Variants in TSPAN13 observed in about 807,000 individuals in gnomAD.
TSPAN13 encodes the protein tetraspanin 13.
Under a neutral mutation model 26.9 loss-of-function variants are expected in TSPAN13, and 18 were observed. The ratio of observed to expected loss-of-function variants is 0.67; its 90% CI spans 0.46 to 0.99. TSPAN13 has a LOEUF of 0.99. TSPAN13 is among the 50% of genes least tolerant of loss of function. TSPAN13 has a pLI of 0.00. For synonymous variants in TSPAN13, 116 were observed against 98.4 expected, an observed-to-expected ratio of 1.18 and a Z score of -1.06; for missense variants, 201 against 249.6, an observed-to-expected ratio of 0.81 and a Z score of 1.31.
intron 1 of TSPAN13, among the ~76,000 whole-genome samples, chr7:16,757,325 A>G (rs1050756331): frequency 6.6e-6 from 1 of 152,216 alleles, no homozygotes; most frequent in African/African-American, 2.4e-5. Flanking sequence ...GGAATATTTT[A>G]GGCTGAAAAG....
At chr7:16,772,183 C>A in intron 1 of TSPAN13, among the ~76,000 whole-genome samples, 2 of 152,116 alleles carry the variant, frequency 1.3e-5, no homozygotes, top group South Asian at 4.2e-4. Flanking sequence ...ATTTGCTTTG[C>A]GGCGAGGATG....
rs878935164 is a variant in TSPAN13, at chr7:16,753,913, G to C, written c.-55G>C. 25 of 1,569,652 alleles carry C rather than the reference G, an allele frequency of 1.6e-5. No individual in the cohort carries two copies. In the South Asian group the frequency reaches 2.8e-4, roughly 17 times the overall value. On this transcript the variant is annotated 5_prime_UTR_variant, in exon 1 of 6. Coordinates refer to ENST00000262067, the MANE Select transcript of TSPAN13 (RefSeq NM_014399.4). Reference sequence around the variant, plus strand: ...AGGCAAGGACAAAGCAGCTGTCAGGGAACCTCCGCCGGAGTCGAATTTACG... The same window carrying C: ...AGGCAAGGACAAAGCAGCTGTCAGGCAACCTCCGCCGGAGTCGAATTTACG...
intron 1 of TSPAN13, 76 bp from the exon 2 acceptor site, chr7:16,776,135 T>G: frequency 1.4e-6 from 2 of 1,462,238 alleles, no homozygotes; most frequent in Non-Finnish European, 1.9e-6. Context: ...ATTGTTGATA[T>G]TTAATTAACT....
At chr7:16,783,325 G>C in intron 5 of TSPAN13, 92 bp from the exon 6 acceptor site, 1 of 1,263,268 alleles carries the variant, frequency 7.9e-7, no homozygotes, top group Non-Finnish European at 1.1e-6. Flanking sequence ...AAGCGATTGA[G>C]AGGGTCCAAA....
At chr7:16,779,920 C>T (rs1472300749) in intron 5 of TSPAN13, among the ~76,000 whole-genome samples, 9 of 151,514 alleles carry the variant, frequency 5.9e-5, no homozygotes, top group Middle Eastern at 3.4e-3. Flanking sequence ...TACAGGCGCC[C>T]GCCACCACGC....
intron 1 of TSPAN13, among the ~76,000 whole-genome samples, chr7:16,767,401 A>G (rs1264312482): frequency 6.6e-6 from 1 of 152,228 alleles, no homozygotes; most frequent in East Asian, 1.9e-4. Context: ...ATAGAAATAG[A>G]TAAAAATCAT....
At chr7:16,761,366 C>T (rs1213555573) in intron 1 of TSPAN13, among the ~76,000 whole-genome samples, 2 of 152,186 alleles carry the variant, frequency 1.3e-5, no homozygotes, top group Non-Finnish European at 2.9e-5. Flanking sequence ...ATATTTCCAT[C>T]CAGCTGTTTG....
chr7:16,783,135 G>T (rs546467187), intron 5 of TSPAN13, among the ~76,000 whole-genome samples: 31 of 152,220 alleles, frequency 2.0e-4, no homozygotes, highest in Admixed American at 2.0e-3. Flanking sequence ...CACCCGCAAA[G>T]TCCCTGTTAC....
rs373848077 is a variant in TSPAN13 at position 16,776,299 on chromosome 7, C to T, written c.152C>T (p.Ala51Val). The T allele has an allele frequency of 6.9e-5, 112 of 1,613,980 alleles. No individual in the cohort carries two copies. The highest frequency in any genetic ancestry group is 9.3e-5 in the Non-Finnish European group (110 of 1,180,008). The change falls in exon 2 of 6, where the codon GCA becomes GTA. Residue 51 changes from alanine to valine, a missense_variant. Physicochemically the swap from Ala to Val is moderately conservative, Grantham distance 64 (BLOSUM62 0). Transcript: ENST00000262067. ...SSLRVVGVVI[A>V]VGIFLFLIAL... The stretch of plus-strand genomic sequence containing the variant: ...CTCCGAGTGGTCGGCGTGGTCATTG[C>T]AGTGGGCATCTTCTTGTTCCTGATT...
chr7:16,758,077 C>T (rs1242789019), intron 1 of TSPAN13, among the ~76,000 whole-genome samples: 2 of 152,090 alleles, frequency 1.3e-5, no homozygotes, highest in Non-Finnish European at 2.9e-5. Context: ...TCAGGCGATC[C>T]ACCCGCCTCG....
In TSPAN13 at chr7:16,753,852, C is replaced by T; in HGVS notation, c.-116C>T. 8.8e-7 allele frequency: 1 copy of T among 1,140,288 alleles called. No homozygotes were observed. Among genetic ancestry groups the T allele is most frequent in the Non-Finnish European group, 1.3e-6 (1 of 776,734 alleles). The allele number at this position is 1,140,288 out of a possible 1,614,324, so 70.6% of individuals were successfully genotyped here. A position where few individuals can be genotyped will look rare whatever the true frequency, so the allele number is the denominator to read the frequency against. On this transcript the variant is annotated 5_prime_UTR_variant, in exon 1 of 6. In the 5' UTR this introduces an upstream ATG that the reference lacks. Coordinates refer to ENST00000262067, the MANE Select transcript of TSPAN13 (RefSeq NM_014399.4). ...GCCCCAGGCCCCGGCCCCCCACCCA[C>T]GTCTGCGTTGCTGCCCCGCCTGGGC...
At chr7:16,776,939 G>C in intron 2 of TSPAN13, 103 bp from the exon 3 acceptor site, 1 of 662,562 alleles carries the variant, frequency 1.5e-6, no homozygotes, top group Non-Finnish European at 2.6e-6. Context: ...CTGTATTCTG[G>C]GTTAATTACT....
At chr7:16,770,705 T>C (rs1289718854) in intron 1 of TSPAN13, among the ~76,000 whole-genome samples, 3 of 152,214 alleles carry the variant, frequency 2.0e-5, no homozygotes, top group Admixed American at 2.0e-4. Context: ...TTGGGAATCC[T>C]GTAAGGGCTG....
At chr7:16,767,557 G>T (rs1239173034) in intron 1 of TSPAN13, among the ~76,000 whole-genome samples, 1 of 152,148 alleles carries the variant, frequency 6.6e-6, no homozygotes, top group Non-Finnish European at 1.5e-5. Flanking sequence ...TTCTCTTGGG[G>T]ATTAACCTAG....
intron 1 of TSPAN13, among the ~76,000 whole-genome samples, chr7:16,754,384 C>G (rs996046424): frequency 4.6e-5 from 7 of 152,198 alleles, no homozygotes; most frequent in Non-Finnish European, 7.3e-5. Context: ...CTCCTGACAT[C>G]CAGACGCATC....
chr7:16,755,821 T>C (rs1274067830), intron 1 of TSPAN13, among the ~76,000 whole-genome samples: 2 of 152,180 alleles, frequency 1.3e-5, no homozygotes, highest in Non-Finnish European at 2.9e-5. Context: ...ATTTAGAGTA[T>C]ATCAGGAAAG....
Position 16,753,816 on chromosome 7 carries a change from C to CT in TSPAN13, c.-152_-151insT. 1.4e-6 allele frequency: 1 copy of CT among 691,688 alleles called. No homozygotes were observed. The highest frequency in any genetic ancestry group is 1.9e-5 in the African/African-American group (1 of 51,782). 42.8% of individuals were successfully genotyped at this position (691,688 alleles called of 1,614,324 possible). ...GTCCGAGCCGCCGCCGCGCGCGCGC[C>CT]GCGCACTGCAGCCCCAGGCCCCGGC... On this transcript the variant is annotated 5_prime_UTR_variant, in exon 1 of 6. Coordinates refer to ENST00000262067, the MANE Select transcript of TSPAN13 (RefSeq NM_014399.4).
chr7:16,776,168 C>T, intron 1 of TSPAN13, 43 bp from the exon 2 acceptor site: 1 of 1,587,804 alleles, frequency 6.3e-7, no homozygotes, highest in South Asian at 1.1e-5. Flanking sequence ...ATTCTCTCTC[C>T]TCTCTCTCGT....
chr7:16,753,790 G>A lies in TSPAN13; in HGVS notation c.-178G>A. Reference sequence around the variant, plus strand: ...TGCGGCGGCCGCAGGTTCCAAAGCGGGTCCGAGCCGCCGCCGCGCGCGCGC... The same window carrying A: ...TGCGGCGGCCGCAGGTTCCAAAGCGAGTCCGAGCCGCCGCCGCGCGCGCGC... On this transcript the variant is annotated 5_prime_UTR_variant, in exon 1 of 6. Coordinates refer to ENST00000262067, the MANE Select transcript of TSPAN13 (RefSeq NM_014399.4). 2 of 513,246 alleles carry A rather than the reference G, an allele frequency of 3.9e-6. No homozygotes were observed. 31.8% of individuals were successfully genotyped at this position (513,246 alleles called of 1,614,324 possible).
Sources: allele counts gnomAD v4.1 joint callset (sites outside exome capture counted in the v4.1 genomes callset), GRCh38; gene constraint gnomAD v4.1.1; transcripts MANE v1.5; gene names NCBI Gene and HGNC (gene_info 2026-07-23, HGNC 2026-07-21).